TENM2: variants seen among roughly 807,000 people sequenced by gnomAD.
TENM2 encodes the protein teneurin transmembrane protein 2.
In TENM2, 52 loss-of-function variants were observed where a neutral mutation model predicts 245.2. That is an observed-to-expected ratio of 0.21 (90% CI 0.17 to 0.27). The LOEUF is 0.27. Among genes scored for constraint, TENM2 ranks in the 10% least tolerant of loss-of-function variants. The pLI is 1.00. For synonymous variants in TENM2, 1,363 were observed against 1,438.9 expected, an observed-to-expected ratio of 0.95 and a Z score of 1.19; for missense variants, 3,046 against 3,666.8, an observed-to-expected ratio of 0.83 and a Z score of 4.37.
intron 2 of TENM2, among the ~76,000 whole-genome samples, chr5:167,682,654 C>T (rs896741224): frequency 1.3e-5 from 2 of 151,976 alleles, no homozygotes; most frequent in African/African-American, 4.8e-5. Flanking sequence ...GTTAACCGTT[C>T]GTATTTATAT....
chr5:167,315,474 T>C (rs963741118), intron 1 of TENM2, among the ~76,000 whole-genome samples: 18 of 152,192 alleles, frequency 1.2e-4, no homozygotes, highest in Admixed American at 2.0e-4. Context: ...AATTTTCTTT[T>C]AGCAGATTTT....
intron 5 of TENM2, 71 bp downstream of exon 7, chr5:167,993,253 A>G: frequency 8.1e-7 from 1 of 1,233,824 alleles, no homozygotes; most frequent in South Asian, 1.3e-5. Flanking sequence ...GGACTTGTGA[A>G]TCTAGAGGCC....
In TENM2 at chr5:168,016,734, G is replaced by A. The variant is rs76208796; in HGVS notation, c.1186+23552G>A. ...GCTAACAGCAAAACCTCTGAAATCG[G>A]ATAGAATGGCGCTGGAATCCCCACT... On this transcript the variant is annotated intron_variant, in intron 5 of 28. Coordinates refer to ENST00000518659, the Ensembl canonical transcript of TENM2. 2.8e-3 allele frequency among the ~76,000 whole-genome samples: 419 copies of A among 152,306 alleles called. 1 individual carries two copies. The highest frequency in any genetic ancestry group is 5.1e-3 in the Non-Finnish European group (347 of 68,018).
At chr5:167,066,152 A>G in the TENM2 span, among the ~76,000 whole-genome samples, 3 of 152,160 alleles carry the variant, frequency 2.0e-5, no homozygotes, top group African/African-American at 7.2e-5. Context: ...TGAATCTTTG[A>G]GGGATATTGT....
At chr5:167,432,374 C>T (rs911400874) in intron 2 of TENM2, among the ~76,000 whole-genome samples, 9 of 151,674 alleles carry the variant, frequency 5.9e-5, no homozygotes, top group African/African-American at 1.9e-4. Context: ...AAATAAAAAC[C>T]GGTTAAGGTA....
chr5:167,447,890 G>T (rs899203222), intron 2 of TENM2, among the ~76,000 whole-genome samples: 10 of 152,130 alleles, frequency 6.6e-5, no homozygotes, highest in African/African-American at 2.2e-4. Flanking sequence ...AAGTGGCAAG[G>T]GTACTCTGAG....
At chr5:167,882,040 C>T (rs545524722) in intron 3 of TENM2, among the ~76,000 whole-genome samples, 13 of 152,258 alleles carry the variant, frequency 8.5e-5, no homozygotes, top group East Asian at 7.7e-4. Context: ...TGAAGGATTT[C>T]GGCTTCAACC....
At chr5:167,770,216 A>T (rs1467575965) in intron 2 of TENM2, among the ~76,000 whole-genome samples, 3 of 152,160 alleles carry the variant, frequency 2.0e-5, no homozygotes, top group Non-Finnish European at 2.9e-5. Context: ...TGGAAGAGGG[A>T]GTGATGTAGT....
intron 2 of TENM2, among the ~76,000 whole-genome samples, chr5:167,873,892 T>G (rs1047558026): frequency 2.0e-5 from 3 of 152,180 alleles, no homozygotes; most frequent in African/African-American, 7.2e-5. Context: ...AGGAATGATT[T>G]GTCTCCATTT....
chr5:167,278,479 C>T, the TENM2 span, among the ~76,000 whole-genome samples: 2 of 151,830 alleles, frequency 1.3e-5, no homozygotes, highest in Non-Finnish European at 2.9e-5. Flanking sequence ...TCTTTTTGTT[C>T]TCACATTCTC....
At chr5:167,759,259 A>G (rs545300583) in intron 2 of TENM2, among the ~76,000 whole-genome samples, 1 of 151,792 alleles carries the variant, frequency 6.6e-6, no homozygotes, top group Non-Finnish European at 1.5e-5. Context: ...CAATAAGGCT[A>G]TTGTGGAGAT....
chr5:168,044,804 A>C (rs1258995822), intron 5 of TENM2, among the ~76,000 whole-genome samples: 1 of 152,154 alleles, frequency 6.6e-6, no homozygotes, highest in Non-Finnish European at 1.5e-5. Flanking sequence ...GGCTCTCATT[A>C]GTCAGGAAAC....
chr5:167,933,095 G>T (rs372139242), intron 3 of TENM2, among the ~76,000 whole-genome samples: 1 of 152,136 alleles, frequency 6.6e-6, no homozygotes. Flanking sequence ...TTCAGAGCAC[G>T]GTCAGTGTTC....
chr5:167,360,599 A>G (rs13164798), intron 1 of TENM2, among the ~76,000 whole-genome samples: 28,574 of 152,154 alleles, frequency 0.19, 2,951 homozygotes, highest in Non-Finnish European at 0.24. Context: ...AATATTCATT[A>G]CAGGAAAAAG....
At chr5:167,656,070 C>T (rs1754821560) in intron 2 of TENM2, among the ~76,000 whole-genome samples, 1 of 152,144 alleles carries the variant, frequency 6.6e-6, no homozygotes. Context: ...CCAGTGGAAG[C>T]CAGAATTACT....
chr5:167,370,940 T>G (rs1418357396), intron 1 of TENM2, among the ~76,000 whole-genome samples: 2 of 152,138 alleles, frequency 1.3e-5, no homozygotes, highest in Non-Finnish European at 2.9e-5. Flanking sequence ...CGAGATGAAT[T>G]AGGGCAAAAT....
chr5:167,650,407 A>T (rs565334184), intron 2 of TENM2, among the ~76,000 whole-genome samples: 51 of 152,302 alleles, frequency 3.3e-4, no homozygotes, highest in Non-Finnish European at 6.6e-4. Flanking sequence ...AATTCAGCTA[A>T]GGTTCTTAGG....
chr5:167,487,555 G>A (rs1768152852), intron 2 of TENM2, among the ~76,000 whole-genome samples: 2 of 152,136 alleles, frequency 1.3e-5, no homozygotes, highest in East Asian at 3.9e-4. Flanking sequence ...TGAACTTTCT[G>A]TGTATGAATG....
At chr5:168,230,502 G>A (rs1234095601) in intron 25 of TENM2, among the ~76,000 whole-genome samples, 2 of 152,220 alleles carry the variant, frequency 1.3e-5, no homozygotes, top group Non-Finnish European at 2.9e-5. Context: ...GGGAACTGGG[G>A]AGTGGCCATT....
Sources: gnomAD v4.1 joint callset for allele counts (sites outside exome capture counted in the v4.1 genomes callset) on GRCh38, gnomAD v4.1.1 for gene constraint, MANE v1.5 for transcripts, NCBI Gene and HGNC (gene_info 2026-07-23, HGNC 2026-07-21) for gene names.